Variants in TRERF1 observed in about 807,000 individuals in gnomAD.
TRERF1 encodes the protein transcriptional regulating factor 1, also known as transcriptional-regulating factor 1.
A neutral mutation model predicts 122.9 loss-of-function variants in TRERF1; 27 were observed. The ratio of observed to expected loss-of-function variants is 0.22; its 90% confidence interval spans 0.16 to 0.30. TRERF1 has a LOEUF of 0.30. TRERF1 is among the 10% of genes least tolerant of loss of function. The pLI, the probability that TRERF1 is intolerant of heterozygous loss-of-function variation, is 1.00. For missense variants in TRERF1, 1,248 were observed against 1,560.3 expected (o/e 0.80, Z 3.37); for synonymous variants, 636 against 641.7 (o/e 0.99, Z 0.13).
intron 2 of TRERF1, among the ~76,000 whole-genome samples, chr6:42,407,806 T>C (rs1780409696): frequency 6.6e-6 from 1 of 151,674 alleles, no homozygotes. Flanking sequence ...ATAAGCCCTA[T>C]ACCTGTCCAG....
Position 42,268,336 on chromosome 6 carries a change from T to C in TRERF1, c.1255A>G (p.Met419Val), listed in dbSNP as rs773958369. Residue 419 changes from methionine (M) to valine (V), a missense_variant, in exon 5 of 18, where the codon ATG becomes GTG. By Grantham distance (21) the Met-to-Val change is conservative. Around this residue, in one of 5 missense-constraint regions of TRERF1, gnomAD observed 946 missense variants for 1,073.0 expected, o/e 0.88. Transcript: ENST00000372922. This position sits in a 1 kb window ranked among gnomAD's most constrained non-coding sequence, Gnocchi z 4.4. ...CCCAGGTCCCCATGGGAGCTCAGCATGGCCTGGGCCTGTCTGTCACTAGAG... is the reference window on the plus strand; with the variant it reads ...CCCAGGTCCCCATGGGAGCTCAGCACGGCCTGGGCCTGTCTGTCACTAGAG... 38 of 1,517,566 alleles carry C rather than the reference T, an allele frequency of 2.5e-5. No homozygotes were observed. Among genetic ancestry groups the C allele is most frequent in the Non-Finnish European group, 3.2e-5 (36 of 1,134,092 alleles). 94.0% of individuals were successfully genotyped at this position (1,517,566 alleles called of 1,614,324 possible).
chr6:42,248,394 C>A (rs1292472685), intron 13 of TRERF1, among the ~76,000 whole-genome samples: 1 of 151,946 alleles, frequency 6.6e-6, no homozygotes, highest in Non-Finnish European at 1.5e-5. Context: ...GCTCTGTCAC[C>A]CAGGCTGGAG....
intron 3 of TRERF1, among the ~76,000 whole-genome samples, chr6:42,329,257 C>T (rs1243130984): frequency 6.6e-6 from 1 of 152,062 alleles, no homozygotes; most frequent in Non-Finnish European, 1.5e-5. Flanking sequence ...TCCTAGTGGC[C>T]AACACTACTC....
intron 3 of TRERF1, among the ~76,000 whole-genome samples, chr6:42,320,179 A>G (rs758083514): frequency 9.9e-5 from 15 of 152,196 alleles, no homozygotes; most frequent in East Asian, 7.8e-4. Context: ...GATTACAGGC[A>G]TGAGCCACCG....
intron 2 of TRERF1, among the ~76,000 whole-genome samples, chr6:42,429,741 G>A (rs957406665): frequency 6.6e-6 from 1 of 152,150 alleles, no homozygotes; most frequent in Non-Finnish European, 1.5e-5. Flanking sequence ...GGATGCAGCA[G>A]TGAACAAACC....
At chr6:42,419,949 T>C (rs1402101954) in intron 2 of TRERF1, among the ~76,000 whole-genome samples, 2 of 152,220 alleles carry the variant, frequency 1.3e-5, no homozygotes, top group African/African-American at 4.8e-5. Context: ...GCAGAGGTTC[T>C]TTCCACTAAA....
chr6:42,344,348 A>G (rs559666225), intron 3 of TRERF1, among the ~76,000 whole-genome samples: 1 of 152,292 alleles, frequency 6.6e-6, no homozygotes, highest in South Asian at 2.1e-4. Context: ...GCACTGCTCT[A>G]TGCATATCAC....
chr6:42,344,582 G>A (rs534497205), intron 3 of TRERF1, among the ~76,000 whole-genome samples: 3 of 152,140 alleles, frequency 2.0e-5, no homozygotes, highest in African/African-American at 7.2e-5. Context: ...GCTCAAGCCC[G>A]GGCCATCTTT....
intron 4 of TRERF1, among the ~76,000 whole-genome samples, chr6:42,270,142 C>T (rs1779953810): frequency 6.6e-6 from 1 of 152,192 alleles, no homozygotes; most frequent in African/African-American, 2.4e-5. Flanking sequence ...GTTATGACTG[C>T]ACCACTGCAC....
At chr6:42,236,167 A>T in intron 16 of TRERF1, 38 bp downstream of exon 16, 1 of 1,532,956 alleles carries the variant, frequency 6.5e-7, no homozygotes, top group Non-Finnish European at 8.7e-7. Context: ...TATGGCTCTC[A>T]CTTGTCCCAG....
chr6:42,317,662 A>G (rs1247345114), intron 3 of TRERF1, among the ~76,000 whole-genome samples: 39 of 152,136 alleles, frequency 2.6e-4, no homozygotes, highest in Non-Finnish European at 2.9e-5. Flanking sequence ...AATAATTTTT[A>G]AAATAACAGT....
At chr6:42,238,868 C>T (rs982144970) in intron 15 of TRERF1, among the ~76,000 whole-genome samples, 5 of 148,230 alleles carry the variant, frequency 3.4e-5, no homozygotes, top group Middle Eastern at 3.5e-3. Flanking sequence ...CACACACACA[C>T]ACAATTTCTA....
intron 2 of TRERF1, among the ~76,000 whole-genome samples, chr6:42,399,153 C>G (rs764422403): frequency 6.6e-6 from 1 of 152,026 alleles, no homozygotes; most frequent in African/African-American, 2.4e-5. Flanking sequence ...TGTTTGGTGA[C>G]TTTTAAAAAG....
At chr6:42,249,467 T>A (rs1775371561) in intron 13 of TRERF1, among the ~76,000 whole-genome samples, 1 of 152,166 alleles carries the variant, frequency 6.6e-6, no homozygotes, top group East Asian at 1.9e-4. Flanking sequence ...CAGATGCAAC[T>A]CCACTGGTGA....
Position 42,263,299 on chromosome 6 carries a change from G to A in TRERF1, c.1884+21C>T. 1 of 1,601,846 alleles carries A rather than the reference G, an allele frequency of 6.2e-7. No individual in the cohort carries two copies. Among genetic ancestry groups the A allele is most frequent in the South Asian group, 1.1e-5 (1 of 88,298 alleles). ...GGGCAGCCCCTTGGGGTGAGTGTGG[G>A]GGAGAGAGGGTCATCCTCACGAGCA... On this transcript the variant is annotated intron_variant, in intron 8 of 17. Coordinates refer to ENST00000372922, the Ensembl canonical transcript of TRERF1. The surrounding 1 kb of genome is among the most constrained non-coding windows in gnomAD (Gnocchi z 5.6).
exon 11 of TRERF1, chr6:42,257,081 T>A (rs751192269): frequency 1.2e-6 from 2 of 1,614,202 alleles, no homozygotes; most frequent in Non-Finnish European, 1.7e-6. Flanking sequence ...CTGCTTGGAA[T>A]CTCAAGCCAA....
intron 2 of TRERF1, among the ~76,000 whole-genome samples, chr6:42,375,025 G>C (rs77169066): frequency 1.6e-5 from 2 of 121,622 alleles, no homozygotes; most frequent in African/African-American, 6.7e-5. Context: ...AAAAAAAAAA[G>C]ACATAAGCAC....
chr6:42,336,935 G>T (rs968279827), intron 3 of TRERF1, among the ~76,000 whole-genome samples: 1 of 152,190 alleles, frequency 6.6e-6, no homozygotes, highest in East Asian at 1.9e-4. Flanking sequence ...TCGTGGCTCC[G>T]GCTCTATGGA....
intron 3 of TRERF1, among the ~76,000 whole-genome samples, chr6:42,347,654 CAGTATGTGCTGTGG>C (rs1290051174): frequency 6.6e-6 from 1 of 152,152 alleles, no homozygotes; most frequent in African/African-American, 2.4e-5. Flanking sequence ...CTTCGCATGG[CAGTATGTGCTGTGG>C]AGGACTAAAA....
Sources: allele counts gnomAD v4.1 joint callset (sites outside exome capture counted in the v4.1 genomes callset), GRCh38; gene constraint gnomAD v4.1.1; regional missense constraint gnomAD v4.1.1; non-coding constraint Gnocchi (gnomAD v3.1); transcripts MANE v1.5; gene names NCBI Gene and HGNC (gene_info 2026-07-23, HGNC 2026-07-21).